The following SFXN1 variants were observed in gnomAD, a reference collection of about 807,000 sequenced individuals.
SFXN1 encodes the protein sideroflexin 1.
SFXN1 carries 32 observed loss-of-function variants against 39.5 expected under a neutral mutation model. That is an observed-to-expected ratio of 0.81 (90% confidence interval 0.61 to 1.09). The LOEUF (loss-of-function observed/expected upper bound fraction) is 1.09, where lower values mean the gene tolerates loss of function less well. SFXN1 is among the 50% of genes least tolerant of loss of function. SFXN1 has a pLI of 0.00. For missense variants in SFXN1, 402 were observed against 407.1 expected (o/e 0.99, Z 0.11); for synonymous variants, 136 against 146.5 (o/e 0.93, Z 0.52).
intron 1 of SFXN1, among the ~76,000 whole-genome samples, chr5:175,485,369 G>C (rs1403562908): frequency 6.6e-6 from 1 of 152,164 alleles, no homozygotes; most frequent in Non-Finnish European, 1.5e-5. Context: ...GGAGGCTCTA[G>C]GGCAGAGCCC....
chr5:175,506,167 C>CA (rs1301911491), intron 2 of SFXN1, among the ~76,000 whole-genome samples: 1 of 152,078 alleles, frequency 6.6e-6, no homozygotes, highest in Non-Finnish European at 1.5e-5. Flanking sequence ...ACCTAAATGA[C>CA]AAAAAGAAAA....
rs775930223 is a variant in SFXN1 at position 175,516,601 on chromosome 5, T to C, written c.725-13T>C. 1 of 1,608,948 alleles carries C rather than the reference T, an allele frequency of 6.2e-7. No homozygotes were observed. Among genetic ancestry groups the C allele is most frequent in the Admixed American group, 1.7e-5 (1 of 58,972 alleles). On this transcript the variant is annotated splice_polypyrimidine_tract_variant and intron_variant, in intron 7 of 10. Coordinates refer to ENST00000321442, the MANE Select transcript of SFXN1 (RefSeq NM_022754.7). ...TTAAATAAAGATTTAAGTGGATCTA[T>C]CTTTATTTCCAGCCATCCCTCCATT...
chr5:175,479,079 C>G (rs1229274230), intron 1 of SFXN1, among the ~76,000 whole-genome samples: 4 of 152,212 alleles, frequency 2.6e-5, no homozygotes, highest in Admixed American at 2.6e-4. Context: ...CCTCCTGGTG[C>G]TGGGGGTCGG....
chr5:175,522,706 T>G, intron 10 of SFXN1: 1 of 346,896 alleles, frequency 2.9e-6, no homozygotes, highest in Non-Finnish European at 5.3e-6. Flanking sequence ...TTATGAAAAT[T>G]TAAAATATGG....
At chr5:175,508,997 A>G (rs754978037) in intron 2 of SFXN1, 35 bp from the exon 3 acceptor site, 6 of 1,571,932 alleles carry the variant, frequency 3.8e-6, no homozygotes. Context: ...GATATTTGAA[A>G]TGAGCAATTG....
At chr5:175,516,265 A>T (rs981330634) in intron 7 of SFXN1, among the ~76,000 whole-genome samples, 1 of 152,144 alleles carries the variant, frequency 6.6e-6, no homozygotes, top group Admixed American at 6.5e-5. Flanking sequence ...GATTCTTTAC[A>T]CCATCCTCCC....
chr5:175,513,384 A>C (rs1056260968), intron 6 of SFXN1, 79 bp from the exon 7 acceptor site: 5 of 1,423,854 alleles, frequency 3.5e-6, no homozygotes, highest in Admixed American at 1.9e-5. Flanking sequence ...TAGAGGGTTG[A>C]TCTTTCCCAA....
intron 3 of SFXN1, 39 bp downstream of exon 3, chr5:175,509,241 A>T: frequency 6.5e-7 from 1 of 1,535,110 alleles, no homozygotes; most frequent in Non-Finnish European, 8.8e-7. Context: ...GTTTACCATT[A>T]CAGAAGCTCA....
At chr5:175,487,416 C>T (rs988500556) in intron 1 of SFXN1, among the ~76,000 whole-genome samples, 4 of 152,212 alleles carry the variant, frequency 2.6e-5, no homozygotes, top group Middle Eastern at 3.4e-3. Flanking sequence ...CACCTCCTCC[C>T]GCTTCACTAT....
At chr5:175,526,594 A>G in intron 10 of SFXN1, 44 bp from the exon 11 acceptor site, 1 of 1,525,798 alleles carries the variant, frequency 6.6e-7, no homozygotes, top group South Asian at 1.1e-5. Context: ...CCTGATTCTC[A>G]CCTCTGCCTG....
chr5:175,515,822 A>G (rs1017430223), intron 7 of SFXN1, among the ~76,000 whole-genome samples: 9 of 152,152 alleles, frequency 5.9e-5, no homozygotes. Context: ...TATTATTATT[A>G]CATTGTAACA....
intron 2 of SFXN1, among the ~76,000 whole-genome samples, chr5:175,494,409 G>C (rs1465968864): frequency 6.6e-6 from 1 of 152,180 alleles, no homozygotes; most frequent in Non-Finnish European, 1.5e-5. Flanking sequence ...GTTGTCACTT[G>C]GGAATTTCAC....
At chr5:175,504,919 G>A (rs762407619) in intron 2 of SFXN1, among the ~76,000 whole-genome samples, 3 of 151,916 alleles carry the variant, frequency 2.0e-5, no homozygotes, top group Non-Finnish European at 2.9e-5. Flanking sequence ...TAGTAGAGAC[G>A]AGATTTCACA....
intron 1 of SFXN1, among the ~76,000 whole-genome samples, chr5:175,480,456 T>C (rs1319274233): frequency 2.6e-5 from 4 of 151,502 alleles, no homozygotes; most frequent in Non-Finnish European, 5.9e-5. Flanking sequence ...CCATCTCAGC[T>C]TAGTACGTAT....
chr5:175,488,797 G>A (rs1759548081), intron 1 of SFXN1, among the ~76,000 whole-genome samples: 1 of 152,224 alleles, frequency 6.6e-6, no homozygotes. Flanking sequence ...TCGGGAGGCT[G>A]AGGTGGGAGG....
rs34582020 is a variant in SFXN1 at position 175,511,539 on chromosome 5, T to G, written c.510+13T>G. 1 of 1,607,784 alleles carries G rather than the reference T, an allele frequency of 6.2e-7. No individual in the cohort carries two copies. Among genetic ancestry groups the G allele is most frequent in the Non-Finnish European group, 8.5e-7 (1 of 1,175,324 alleles). The stretch of plus-strand genomic sequence containing the variant: ...TGCATTGACCAAGGTACTCAGATTT[T>G]TATTTCCATAATAAAGCTGTTTAAT... On this transcript the variant is annotated intron_variant, in intron 5 of 10. Transcript: ENST00000321442.
chr5:175,512,273 C>A, intron 6 of SFXN1, 77 bp downstream of exon 6: 3 of 1,240,210 alleles, frequency 2.4e-6, no homozygotes, highest in African/African-American at 1.5e-5. Flanking sequence ...TTTGTTGAAA[C>A]TTTCAAATGC....
intron 7 of SFXN1, among the ~76,000 whole-genome samples, chr5:175,515,916 T>G (rs1002200661): frequency 1.3e-5 from 2 of 152,080 alleles, no homozygotes; most frequent in African/African-American, 4.8e-5. Flanking sequence ...GACAGTCCCG[T>G]CTGGGGGTGA....
At chr5:175,501,191 C>T (rs1267895487) in intron 2 of SFXN1, among the ~76,000 whole-genome samples, 1 of 151,574 alleles carries the variant, frequency 6.6e-6, no homozygotes, top group Non-Finnish European at 1.5e-5. Context: ...GCCTAAGCCT[C>T]CCGAGTAGCT....
Sources: gnomAD v4.1 joint callset for allele counts (sites outside exome capture counted in the v4.1 genomes callset) on GRCh38, gnomAD v4.1.1 for gene constraint, MANE v1.5 for transcripts, NCBI Gene and HGNC (gene_info 2026-07-23, HGNC 2026-07-21) for gene names.